The following CSPP1 variants were observed in gnomAD, a reference collection of about 807,000 sequenced individuals.
CSPP1 encodes centrosome and spindle pole associated protein 1.
In CSPP1, 126 loss-of-function variants were observed where a neutral mutation model predicts 164.4. The ratio of observed to expected loss-of-function variants is 0.77; its 90% CI spans 0.66 to 0.89. The LOEUF is 0.89. Ranked by LOEUF, CSPP1 falls within the 40% of genes least tolerant of loss-of-function variation. The pLI is 0.00. For missense variants in CSPP1, 1,395 were observed against 1,449.8 expected (o/e 0.96, Z 0.61); for synonymous variants, 472 against 476.7 (o/e 0.99, Z 0.13).
chr8:67,125,653 G>T (rs1368111382), intron 15 of CSPP1, among the ~76,000 whole-genome samples: 1 of 152,064 alleles, frequency 6.6e-6, no homozygotes, highest in Non-Finnish European at 1.5e-5. Flanking sequence ...GTTCTAGACT[G>T]GGTAATCTCA....
intron 29 of CSPP1, among the ~76,000 whole-genome samples, chr8:67,192,589 T>C (rs1836676806): frequency 6.6e-6 from 1 of 151,776 alleles, no homozygotes; most frequent in African/African-American, 2.4e-5. Context: ...GGTGTCTTAA[T>C]TAAGAAACCA....
intron 21 of CSPP1, among the ~76,000 whole-genome samples, chr8:67,161,239 A>G (rs138443869): frequency 3.0e-4 from 45 of 152,202 alleles, no homozygotes; most frequent in African/African-American, 1.0e-3. Flanking sequence ...GTCTTTTGTT[A>G]TGTGTACTAT....
Position 67,195,822 on chromosome 8 carries a change from A to ATT in CSPP1, c.*230_*231dup. On this transcript the variant is annotated 3_prime_UTR_variant, in exon 31 of 31. Transcript: ENST00000678616. ...TTATTTTTGCACAGTTTTGTCATAA[A>ATT]TTAGGGTGGTAATGAACTGGATTGA... The ATT allele has an allele frequency of 8.2e-6, 4 of 487,452 alleles. No individual in the cohort carries two copies. The highest frequency in any genetic ancestry group is 1.1e-5 in the Non-Finnish European group (3 of 271,542). The allele number at this position is 487,452 out of a possible 1,614,324, so 30.2% of individuals were successfully genotyped here.
In CSPP1 at chr8:67,118,371, T is replaced by G; in HGVS notation, c.1618+2T>G. ...CTTTCGATCCCAGTCTTGCTTATTG[T>G]AAGTTATCTATAGGGTAAGCATTTT... is the stretch of plus-strand genomic sequence containing the variant. On this transcript the variant is annotated splice_donor_variant, in intron 14 of 30. Transcript: ENST00000678616. LOFTEE classifies it high-confidence loss of function. 2 of 1,613,528 alleles carry G rather than the reference T, an allele frequency of 1.2e-6. No individual in the cohort carries two copies. The highest frequency in any genetic ancestry group is 1.7e-6 in the Non-Finnish European group (2 of 1,179,596).
chr8:67,160,464 CAAAA>C (rs1206237868), intron 21 of CSPP1, among the ~76,000 whole-genome samples: 1 of 77,748 alleles, frequency 1.3e-5, no homozygotes, highest in Non-Finnish European at 2.6e-5. Flanking sequence ...GACTCCATCT[CAAAA>C]AAAAAAAAAA....
intron 8 of CSPP1, among the ~76,000 whole-genome samples, chr8:67,104,787 G>C (rs532474708): frequency 2.0e-5 from 3 of 150,488 alleles, no homozygotes; most frequent in Non-Finnish European, 4.4e-5. Flanking sequence ...AGAGGCGTGT[G>C]TCACCACGCC....
intron 28 of CSPP1, among the ~76,000 whole-genome samples, chr8:67,182,281 T>A (rs980760725): frequency 6.6e-6 from 1 of 152,100 alleles, no homozygotes; most frequent in African/African-American, 2.4e-5. Context: ...GTGCTGAGAT[T>A]ACAGGTGTGA....
chr8:67,167,640 G>A lies in CSPP1; in HGVS notation c.2828+3132G>A, dbSNP rs1371135668. On this transcript the variant is annotated intron_variant, in intron 24 of 30. Coordinates refer to ENST00000678616, the MANE Select transcript of CSPP1 (RefSeq NM_001382391.1). ...TCAGACAGGGCGGCCGGGCAGAGAC[G>A]CTCCTCACCTCCCAGACAGGGTTGC... Among the ~76,000 whole-genome samples, 9 of 150,090 alleles carry A rather than the reference G, an allele frequency of 6.0e-5. 1 individual carries two copies. In the South Asian group the frequency reaches 6.4e-4, roughly 11 times the overall value.
At chr8:67,177,070 C>CAAA (rs36084458) in intron 26 of CSPP1, among the ~76,000 whole-genome samples, 51 of 51,666 alleles carry the variant, frequency 9.9e-4, no homozygotes, top group Middle Eastern at 0.01. Context: ...GACTTAGTCT[C>CAAA]AAAAAAAAAA....
intron 3 of CSPP1, among the ~76,000 whole-genome samples, chr8:67,085,499 GAAA>G (rs1810204668): frequency 1.3e-5 from 2 of 151,980 alleles, no homozygotes; most frequent in African/African-American, 4.8e-5. Context: ...TTCCTAGACT[GAAA>G]ATGATGCATT....
At chr8:67,096,580 T>C (rs13276024) in intron 7 of CSPP1, among the ~76,000 whole-genome samples, 2,313 of 127,574 alleles carry the variant, frequency 0.018, 17 homozygotes, top group Middle Eastern at 0.051. Context: ...AAAAAAAAAG[T>C]GTGGCTGGGG....
At chr8:67,190,791 C>T (rs941070523) in intron 29 of CSPP1, 32 bp downstream of exon 29, 3 of 1,482,680 alleles carry the variant, frequency 2.0e-6, no homozygotes, top group African/African-American at 1.4e-5. Flanking sequence ...CCCTTTTCAA[C>T]TTAGAAGAAT....
At chr8:67,116,470 A>G (rs1817956941) in intron 13 of CSPP1, among the ~76,000 whole-genome samples, 1 of 152,192 alleles carries the variant, frequency 6.6e-6, no homozygotes. Context: ...CTTGGCAAAC[A>G]TTGAATTCTT....
At chr8:67,120,811 T>G (rs991891395) in intron 15 of CSPP1, among the ~76,000 whole-genome samples, 8 of 152,064 alleles carry the variant, frequency 5.3e-5, no homozygotes, top group African/African-American at 1.9e-4. Flanking sequence ...AGAGATAATT[T>G]TACTTTTTCT....
chr8:67,072,626 T>C (rs1585817888), intron 1 of CSPP1, among the ~76,000 whole-genome samples: 1 of 151,552 alleles, frequency 6.6e-6, no homozygotes, highest in East Asian at 2.0e-4. Flanking sequence ...AGTCCAGGAA[T>C]TGAAGGGGTA....
chr8:67,147,469 A>G (rs1434046362), intron 17 of CSPP1, among the ~76,000 whole-genome samples: 1 of 152,148 alleles, frequency 6.6e-6, no homozygotes, highest in Non-Finnish European at 1.5e-5. Context: ...ACACATTCAA[A>G]AAGTAGTCCA....
intron 17 of CSPP1, among the ~76,000 whole-genome samples, chr8:67,138,750 C>G (rs1390209607): frequency 6.6e-6 from 1 of 152,204 alleles, no homozygotes; most frequent in African/African-American, 2.4e-5. Flanking sequence ...TGCCTGTTCA[C>G]TCTGATGGTA....
At chr8:67,124,472 T>C (rs1819659600) in intron 15 of CSPP1, among the ~76,000 whole-genome samples, 1 of 151,526 alleles carries the variant, frequency 6.6e-6, no homozygotes, top group Non-Finnish European at 1.5e-5. Context: ...GTTTTATAAT[T>C]ATTGCCTTAT....
chr8:67,106,052 G>A (rs1275186798), intron 9 of CSPP1, 77 bp downstream of exon 9: 2 of 748,938 alleles, frequency 2.7e-6, no homozygotes, highest in Non-Finnish European at 4.7e-6. Flanking sequence ...ACTCAGTGTT[G>A]TAATTAATAC....
Sources: gnomAD v4.1 joint callset for allele counts (sites outside exome capture counted in the v4.1 genomes callset) on GRCh38, gnomAD v4.1.1 for gene constraint, MANE v1.5 for transcripts, NCBI Gene and HGNC (gene_info 2026-07-23, HGNC 2026-07-21) for gene names.